ANKRD17: variants seen among roughly 807,000 people sequenced by gnomAD.
The protein encoded by ANKRD17 is ankyrin repeat domain-containing protein 17.
Under a neutral mutation model 229.7 loss-of-function variants are expected in ANKRD17, and 19 were observed. That is an observed-to-expected ratio of 0.08 (90% CI 0.06 to 0.12). The LOEUF is 0.12. Among genes scored for constraint, ANKRD17 ranks in the 10% least tolerant of loss-of-function variants. The probability of loss-of-function intolerance (pLI) is 1.00; values close to 1 mark genes in which losing one functional copy is unlikely to be tolerated. For synonymous variants in ANKRD17, 1,112 were observed against 1,146.1 expected (o/e 0.97, Z 0.60); for missense variants, 2,176 against 3,176.8 (o/e 0.68, Z 7.57).
At chr4:73,187,356 G>A (rs566509197) in intron 1 of ANKRD17, among the ~76,000 whole-genome samples, 3 of 152,224 alleles carry the variant, frequency 2.0e-5, no homozygotes, top group Admixed American at 6.5e-5. Flanking sequence ...ATAATACAAC[G>A]TATTTTTAAT....
chr4:73,176,803 G>A (rs1434317874), intron 2 of ANKRD17, among the ~76,000 whole-genome samples: 1 of 152,122 alleles, frequency 6.6e-6, no homozygotes, highest in Non-Finnish European at 1.5e-5. Context: ...TTGCATGCCT[G>A]TATCAAAATA....
Position 73,168,102 on chromosome 4 carries a change from A to G in ANKRD17, c.548-6754T>C, listed in dbSNP as rs565060614. On this transcript the variant is annotated intron_variant, in intron 2 of 33. Coordinates refer to ENST00000358602, the MANE Select transcript of ANKRD17 (RefSeq NM_032217.5). ...CGGGAGGCGGAGCTTGCAGTGAGCCAAGATCCCACCACTGTACTCCAGCCT... is the reference window on the plus strand; with the variant it reads ...CGGGAGGCGGAGCTTGCAGTGAGCCGAGATCCCACCACTGTACTCCAGCCT... 1.5e-3 allele frequency among the ~76,000 whole-genome samples: 222 copies of G among 151,144 alleles called. 1 individual carries two copies. The highest frequency in any genetic ancestry group is 4.9e-3 in the African/African-American group (201 of 41,032).
intron 1 of ANKRD17, chr4:73,223,130 T>C (rs1742081069): frequency 3.0e-6 from 4 of 1,315,232 alleles, no homozygotes; most frequent in Admixed American, 2.0e-5. Context: ...AATGTTCTAT[T>C]ACATGCCTAA....
rs1295233282 is a variant in ANKRD17, at chr4:73,177,459, T to G, written c.468A>C (p.Ser156=). Residue 156 remains serine (S), a synonymous_variant, in exon 2 of 34, where the codon TCA becomes TCC. Transcript: ENST00000358602. ...MLETASKLLL[S]GTADGADLRT... Reference sequence around the variant, plus strand: ...TGAGGTCTGCACCATCAGCAGTACCTGATAAGAGCAACTTGGAAGCTGTTT... The same window carrying G: ...TGAGGTCTGCACCATCAGCAGTACCGGATAAGAGCAACTTGGAAGCTGTTT... 1 of 1,613,832 alleles carries G rather than the reference T, an allele frequency of 6.2e-7. No individual in the cohort carries two copies. The highest frequency in any genetic ancestry group is 1.1e-5 in the South Asian group (1 of 91,058).
intron 1 of ANKRD17, among the ~76,000 whole-genome samples, chr4:73,231,752 A>G (rs576670969): frequency 9.8e-5 from 15 of 152,298 alleles, no homozygotes; most frequent in Non-Finnish European, 1.8e-4. Context: ...GGAAGATTAA[A>G]TGGTTGGGAT....
intron 27 of ANKRD17, among the ~76,000 whole-genome samples, chr4:73,096,470 C>T (rs1004636029): frequency 2.6e-5 from 4 of 152,174 alleles, no homozygotes; most frequent in Non-Finnish European, 5.9e-5. Flanking sequence ...AACCTGTATA[C>T]TGCACTTAGG....
intron 1 of ANKRD17, among the ~76,000 whole-genome samples, chr4:73,241,248 T>C (rs960495854): frequency 6.6e-6 from 1 of 152,174 alleles, no homozygotes; most frequent in Non-Finnish European, 1.5e-5. Context: ...GATTAACTAT[T>C]TGGAAATACA....
chr4:73,086,897 CAAAAA>C (rs1176077387), intron 29 of ANKRD17, among the ~76,000 whole-genome samples: 2 of 10,208 alleles, frequency 2.0e-4, no homozygotes, highest in Admixed American at 1.5e-3. Flanking sequence ...GACTCCATCT[CAAAAA>C]AAAAAAAAAA....
chr4:73,103,399 ATAT>A (rs1256235080), intron 24 of ANKRD17, among the ~76,000 whole-genome samples: 1 of 152,184 alleles, frequency 6.6e-6, no homozygotes, highest in Non-Finnish European at 1.5e-5. Flanking sequence ...ATTTTACTTT[ATAT>A]AACTATACAG....
chr4:73,148,679 A>G, intron 8 of ANKRD17, 134 bp downstream of exon 8: 1 of 798,648 alleles, frequency 1.3e-6, no homozygotes, highest in South Asian at 1.9e-5. Flanking sequence ...TTCACAGTAA[A>G]TACTTTATCA....
At chr4:73,141,951 T>C (rs929933617) in intron 13 of ANKRD17, 108 bp from the exon 14 acceptor site, 1 of 955,110 alleles carries the variant, frequency 1.0e-6, no homozygotes, top group African/African-American at 1.7e-5. Context: ...TTTTAATATG[T>C]CATCTTAGAC....
Position 73,094,243 on chromosome 4 carries a change from T to C in ANKRD17, c.5178-15A>G. ...CTTTCTTTGACCTGTTTAAAAGTTG[T>C]ATATATAAATTAAGATTAGTCATTA... On this transcript the variant is annotated splice_polypyrimidine_tract_variant and intron_variant, in intron 27 of 33. Transcript: ENST00000358602. 1 of 1,602,466 alleles carries C rather than the reference T, an allele frequency of 6.2e-7. No individual in the cohort carries two copies. Among genetic ancestry groups the C allele is most frequent in the Non-Finnish European group, 8.5e-7 (1 of 1,171,298 alleles).
intron 29 of ANKRD17, among the ~76,000 whole-genome samples, chr4:73,085,810 T>A (rs1409880042): frequency 1.4e-5 from 2 of 147,024 alleles, no homozygotes; most frequent in African/African-American, 5.1e-5. Flanking sequence ...CAGGATAGAC[T>A]GCCTCTACAA....
chr4:73,258,357 GCCTCCA>G lies in ANKRD17; in HGVS notation c.306_311del (p.Gly109_Gly110del), dbSNP rs1333397973. On this transcript the variant is annotated inframe_deletion, in exon 1 of 34. Transcript: ENST00000358602. ...TGCTGGTGCCGCCGCCGCCACCTCC[GCCTCCA>G]CCGCCGCCTCCACCGCCGCCGCTGT... is the stretch of plus-strand genomic sequence containing the variant. 1 of 1,565,096 alleles carries G rather than the reference GCCTCCA, an allele frequency of 6.4e-7. No homozygotes were observed. The highest frequency in any genetic ancestry group is 8.7e-7 in the Non-Finnish European group (1 of 1,149,190).
At chr4:73,178,728 A>G (rs374977405) in intron 1 of ANKRD17, among the ~76,000 whole-genome samples, 1 of 152,202 alleles carries the variant, frequency 6.6e-6, no homozygotes, top group Non-Finnish European at 1.5e-5. Flanking sequence ...AAACACTGAT[A>G]TAAGTCTAGC....
At chr4:73,161,101 A>G (rs1732471071) in intron 3 of ANKRD17, 91 bp downstream of exon 3, 4 of 1,465,038 alleles carry the variant, frequency 2.7e-6, no homozygotes, top group Non-Finnish European at 2.8e-6. Flanking sequence ...AGTGCCAGCC[A>G]GGCACAAAAT....
intron 1 of ANKRD17, among the ~76,000 whole-genome samples, chr4:73,227,983 C>G (rs1410417994): frequency 6.6e-6 from 1 of 151,940 alleles, no homozygotes; most frequent in African/African-American, 2.4e-5. Flanking sequence ...TATATTCAAA[C>G]AAAACAAGGA....
intron 1 of ANKRD17, among the ~76,000 whole-genome samples, chr4:73,189,597 A>G (rs926705619): frequency 6.6e-6 from 1 of 152,082 alleles, no homozygotes; most frequent in African/African-American, 2.4e-5. Context: ...AAGTGCTGGC[A>G]TTACAGGCGT....
chr4:73,173,394 A>T (rs1734299465), intron 2 of ANKRD17, among the ~76,000 whole-genome samples: 1 of 152,222 alleles, frequency 6.6e-6, no homozygotes, highest in South Asian at 2.1e-4. Flanking sequence ...TCTTCCACAG[A>T]GAAAATCAAC....
Sources: gnomAD v4.1 joint callset for allele counts (sites outside exome capture counted in the v4.1 genomes callset) on GRCh38, gnomAD v4.1.1 for gene constraint, MANE v1.5 for transcripts, NCBI Gene and HGNC (gene_info 2026-07-23, HGNC 2026-07-21) for gene names.